Variants in CDC42BPB observed in about 807,000 individuals in gnomAD.
CDC42BPB encodes the protein serine/threonine-protein kinase MRCK beta.
Under a neutral mutation model 214.9 loss-of-function variants are expected in CDC42BPB, and 37 were observed. That is an observed-to-expected ratio of 0.17 (90% CI 0.13 to 0.23). The LOEUF (loss-of-function observed/expected upper bound fraction) is 0.23, where lower values mean the gene tolerates loss of function less well. CDC42BPB is among the 10% of genes least tolerant of loss of function. The probability of loss-of-function intolerance (pLI) is 1.00; values close to 1 mark genes in which losing one functional copy is unlikely to be tolerated. For missense variants in CDC42BPB, 1,694 were observed against 2,227.0 expected, an observed-to-expected ratio of 0.76 and a Z score of 4.82; for synonymous variants, 931 against 884.0, an observed-to-expected ratio of 1.05 and a Z score of -0.94.
chr14:103,033,850 G>A (rs1887523182), intron 1 of CDC42BPB, among the ~76,000 whole-genome samples: 1 of 152,212 alleles, frequency 6.6e-6, no homozygotes, highest in Non-Finnish European at 1.5e-5. Context: ...CCACACAGCA[G>A]TTTCCTCACT....
chr14:102,946,556 C>T lies in CDC42BPB; in HGVS notation c.3660G>A (p.Arg1220=), dbSNP rs1480679757. The change falls in exon 28 of 37, where the codon CGG becomes CGA. Residue 1220 remains arginine (R), a synonymous_variant. Transcript: ENST00000361246. The part of the protein sequence containing the change: ...EGLQSILHKN[R]LRNQVVHVPL... ...GAACATGCACGACCTGATTCCTCAG[C>T]CGGTTTTTATGAAGGATGGACTGGA... is the stretch of plus-strand genomic sequence containing the variant. The T allele has an allele frequency of 3.7e-6, 6 of 1,612,682 alleles. No individual in the cohort carries two copies. The highest frequency in any genetic ancestry group is 1.7e-5 in the Admixed American group (1 of 60,006).
At chr14:102,958,728 C>T (rs1892820319) in intron 21 of CDC42BPB, among the ~76,000 whole-genome samples, 2 of 152,178 alleles carry the variant, frequency 1.3e-5, no homozygotes, top group African/African-American at 4.8e-5. Flanking sequence ...CTCGGCAAGG[C>T]ACCTGGTGCC....
chr14:102,963,680 CA>C (rs1893057916), intron 19 of CDC42BPB, among the ~76,000 whole-genome samples: 1 of 152,218 alleles, frequency 6.6e-6, no homozygotes. Context: ...TGACAGTGGG[CA>C]AATCACCTGC....
chr14:102,986,634 G>C lies in CDC42BPB; in HGVS notation c.597-54C>G, dbSNP rs181927792. ...CCATCTCCATGCAACACATTAGGTA[G>C]ATCAAAGCCCTTAACTAGTGGTGAT... On this transcript the variant is annotated intron_variant, in intron 5 of 36. Transcript: ENST00000361246. 4.9e-4 allele frequency: 776 copies of C among 1,591,430 alleles called. 4 individuals carry two copies. The African/African-American group carries it at 9.3e-3, about 19-fold the overall frequency.
intron 5 of CDC42BPB, among the ~76,000 whole-genome samples, chr14:102,994,479 C>T (rs1478450850): frequency 6.6e-6 from 1 of 152,148 alleles, no homozygotes; most frequent in Non-Finnish European, 1.5e-5. Context: ...CCGCCGAGGC[C>T]TTTAGATGGG....
At chr14:103,008,042 C>T (rs913119679) in intron 3 of CDC42BPB, among the ~76,000 whole-genome samples, 7 of 148,972 alleles carry the variant, frequency 4.7e-5, no homozygotes, top group African/African-American at 1.8e-4. Context: ...AGGAGCTGAT[C>T]AAAGCCTGCT....
In CDC42BPB at chr14:102,980,952, T is replaced by G. The variant is rs547502635; in HGVS notation, c.961A>C (p.Ile321Leu). The G allele has an allele frequency of 2.5e-6, 4 of 1,614,216 alleles. No individual in the cohort carries two copies. The South Asian group carries it at 4.4e-5, about 18-fold the overall frequency. Residue 321 changes from isoleucine to leucine, a missense_variant, in exon 8 of 37, where the codon ATC (isoleucine) becomes CTC (leucine). Ile to Leu is a conservative substitution (Grantham distance 5, BLOSUM62 2). Transcript: ENST00000361246. Reference protein sequence around the residue: ...EEAKDLIQRLICSRERRLGQN... With the variant: ...EEAKDLIQRLLCSRERRLGQN... Reference sequence around the variant, plus strand: ...CCCAGCCGGCGTTCTCTACTGCAGATCAGTCTCTGGATGAGGTCCTTCGCT... The same window carrying G: ...CCCAGCCGGCGTTCTCTACTGCAGAGCAGTCTCTGGATGAGGTCCTTCGCT...
chr14:103,054,053 C>A (rs559281483), intron 1 of CDC42BPB, among the ~76,000 whole-genome samples: 44 of 152,114 alleles, frequency 2.9e-4, no homozygotes, highest in African/African-American at 1.0e-3. Flanking sequence ...ATTATAGATA[C>A]TGGGTTTTGT....
intron 1 of CDC42BPB, among the ~76,000 whole-genome samples, chr14:103,045,747 G>A (rs1888250317): frequency 1.3e-5 from 2 of 152,150 alleles, no homozygotes; most frequent in Non-Finnish European, 2.9e-5. Flanking sequence ...ACTACACTCT[G>A]ACTTCGTGCA....
At chr14:102,938,464 G>A (rs1891740800) in intron 34 of CDC42BPB, 53 bp from the exon 35 acceptor site, 14 of 1,505,282 alleles carry the variant, frequency 9.3e-6, no homozygotes, top group South Asian at 1.3e-5. Flanking sequence ...CGGCAGGGCC[G>A]GCTGCGAAGT....
At chr14:103,006,027 A>G (rs1025978229) in intron 3 of CDC42BPB, among the ~76,000 whole-genome samples, 2 of 152,046 alleles carry the variant, frequency 1.3e-5, no homozygotes, top group Non-Finnish European at 2.9e-5. Flanking sequence ...AAAAAAAAAA[A>G]AAAAAAAAGA....
chr14:102,954,334 G>A (rs1719416391), intron 22 of CDC42BPB, 59 bp from the exon 23 acceptor site: 2 of 1,435,282 alleles, frequency 1.4e-6, no homozygotes, highest in South Asian at 1.4e-5. Context: ...GAGACACCTG[G>A]CCCTACGGGG....
chr14:102,956,201 A>T (rs1892699009), intron 21 of CDC42BPB: 1 of 152,298 alleles, frequency 6.6e-6, no homozygotes, highest in Non-Finnish European at 1.5e-5. Context: ...CACTAACAGG[A>T]GTGAAAGCTG....
At chr14:103,031,952 A>T (rs1407223857) in intron 1 of CDC42BPB, among the ~76,000 whole-genome samples, 1 of 152,036 alleles carries the variant, frequency 6.6e-6, no homozygotes, top group Non-Finnish European at 1.5e-5. Context: ...TCCAGTGAAC[A>T]ACTACTATAA....
chr14:103,012,795 A>T (rs1886230909), intron 1 of CDC42BPB, among the ~76,000 whole-genome samples: 1 of 152,024 alleles, frequency 6.6e-6, no homozygotes, highest in Non-Finnish European at 1.5e-5. Flanking sequence ...ACAAAGCAAG[A>T]CTCCATCTCA....
rs1473047454 is a variant in CDC42BPB, at chr14:102,933,577, G to T, written c.*135C>A. The T allele has an allele frequency of 4.5e-5, 31 of 695,072 alleles. No homozygotes were observed. The highest frequency in any genetic ancestry group is 6.7e-5 in the Non-Finnish European group (31 of 464,220). 43.1% of individuals were successfully genotyped at this position (695,072 alleles called of 1,614,324 possible). On this transcript the variant is annotated 3_prime_UTR_variant, in exon 37 of 37. Coordinates refer to ENST00000361246, the MANE Select transcript of CDC42BPB (RefSeq NM_006035.4). ...TAAAACTGATCAATATTATAATAAAGATTTGTCTTCTTCATCTCCATATCT... is the reference window on the plus strand; with the variant it reads ...TAAAACTGATCAATATTATAATAAATATTTGTCTTCTTCATCTCCATATCT...
chr14:102,992,202 C>T (rs1445090527), intron 5 of CDC42BPB, among the ~76,000 whole-genome samples: 1 of 152,188 alleles, frequency 6.6e-6, no homozygotes. Flanking sequence ...TTTGAACAAT[C>T]CACTGAGTTG....
chr14:103,055,578 C>CT (rs1888902532), intron 1 of CDC42BPB, among the ~76,000 whole-genome samples: 1 of 152,238 alleles, frequency 6.6e-6, no homozygotes, highest in South Asian at 2.1e-4. Context: ...TTTACTGATA[C>CT]TATAAGTAAC....
intron 1 of CDC42BPB, among the ~76,000 whole-genome samples, chr14:103,027,830 C>A (rs903306976): frequency 1.1e-4 from 17 of 152,136 alleles, no homozygotes; most frequent in Non-Finnish European, 2.2e-4. Context: ...ACCAATAAAT[C>A]ATACACTTAA....
Sources: allele counts gnomAD v4.1 joint callset (sites outside exome capture counted in the v4.1 genomes callset), GRCh38; gene constraint gnomAD v4.1.1; transcripts MANE v1.5; gene names NCBI Gene and HGNC (gene_info 2026-07-23, HGNC 2026-07-21).